EEFSEC: variants seen among roughly 807,000 people sequenced by gnomAD.
EEFSEC encodes eukaryotic elongation factor, selenocysteine-tRNA specific.
In EEFSEC, 43 loss-of-function variants were observed where a neutral mutation model predicts 42.1. The ratio of observed to expected loss-of-function variants is 1.02; its 90% confidence interval spans 0.80 to 1.32. The LOEUF (loss-of-function observed/expected upper bound fraction) is 1.32, where lower values mean the gene tolerates loss of function less well. Ranked by LOEUF, EEFSEC falls within the 40% of genes most tolerant of loss-of-function variation. The probability of loss-of-function intolerance (pLI) is 0.00; values close to 1 mark genes in which losing one functional copy is unlikely to be tolerated. For missense variants in EEFSEC, 745 were observed against 803.6 expected, an observed-to-expected ratio of 0.93 and a Z score of 0.88; for synonymous variants, 354 against 339.1, an observed-to-expected ratio of 1.04 and a Z score of -0.48.
At chr3:128,407,611 A>G (rs1012357029) in intron 6 of EEFSEC, among the ~76,000 whole-genome samples, 27 of 152,290 alleles carry the variant, frequency 1.8e-4, no homozygotes, top group African/African-American at 6.3e-4. Flanking sequence ...CTCTCTTCCC[A>G]CACTCTGGCC....
At chr3:128,229,842 C>T (rs1049672605) in intron 1 of EEFSEC, among the ~76,000 whole-genome samples, 3 of 152,094 alleles carry the variant, frequency 2.0e-5, no homozygotes, top group East Asian at 1.9e-4. Flanking sequence ...TGAGGAGAAA[C>T]GGTCCCCTCC....
intron 4 of EEFSEC, among the ~76,000 whole-genome samples, chr3:128,310,945 T>C (rs1361725148): frequency 6.6e-6 from 1 of 152,192 alleles, no homozygotes; most frequent in African/African-American, 2.4e-5. Flanking sequence ...GGCCTTCTAT[T>C]GATGCAACAT....
intron 1 of EEFSEC, among the ~76,000 whole-genome samples, chr3:128,242,278 C>T (rs915339612): frequency 6.6e-6 from 1 of 151,932 alleles, no homozygotes; most frequent in Admixed American, 6.6e-5. Context: ...ATGATTGCAC[C>T]ACTGCACTCC....
chr3:128,238,754 T>C (rs2107882242), intron 1 of EEFSEC, among the ~76,000 whole-genome samples: 1 of 152,282 alleles, frequency 6.6e-6, no homozygotes, highest in East Asian at 1.9e-4. Context: ...CCTCCCAAAG[T>C]GTGTAATGGC....
At chr3:128,210,697 G>A (rs1426146777) in intron 1 of EEFSEC, among the ~76,000 whole-genome samples, 1 of 152,160 alleles carries the variant, frequency 6.6e-6, no homozygotes. Flanking sequence ...CAATTCCTAC[G>A]GATTTCCCCT....
chr3:128,305,675 A>C (rs2066818341), intron 4 of EEFSEC, among the ~76,000 whole-genome samples: 2 of 151,752 alleles, frequency 1.3e-5, no homozygotes, highest in East Asian at 1.9e-4. Context: ...ATATGTAGTA[A>C]TTTTCTTTTT....
intron 4 of EEFSEC, among the ~76,000 whole-genome samples, chr3:128,285,231 A>G (rs2066570711): frequency 1.3e-5 from 2 of 152,036 alleles, no homozygotes; most frequent in Middle Eastern, 3.2e-3. Context: ...GAGATGGGTG[A>G]TGGTGCTGTG....
At chr3:128,349,232 G>T (rs979079791) in intron 5 of EEFSEC, among the ~76,000 whole-genome samples, 2 of 152,126 alleles carry the variant, frequency 1.3e-5, no homozygotes, top group Admixed American at 6.5e-5. Context: ...TCACCCTGCA[G>T]GGGGGAGTAA....
intron 1 of EEFSEC, among the ~76,000 whole-genome samples, chr3:128,214,977 A>G (rs1267928607): frequency 6.6e-6 from 1 of 152,226 alleles, no homozygotes; most frequent in African/African-American, 2.4e-5. Context: ...GATGTGGGAA[A>G]GTTGAGGTGG....
chr3:128,409,577 G>A (rs1476263377), downstream of EEFSEC, among the ~76,000 whole-genome samples: 1 of 152,232 alleles, frequency 6.6e-6, no homozygotes, highest in Non-Finnish European at 1.5e-5. Flanking sequence ...GGGAAGTGGG[G>A]TTCCCAGTTC....
At chr3:128,415,434 G>A in the EEFSEC span, among the ~76,000 whole-genome samples, 40 of 149,386 alleles carry the variant, frequency 2.7e-4, no homozygotes, top group African/African-American at 9.5e-4. Context: ...TGGAAGTTGT[G>A]TAATGGGTGT....
At chr3:128,377,335 C>T (rs988854716) in intron 6 of EEFSEC, among the ~76,000 whole-genome samples, 3 of 152,144 alleles carry the variant, frequency 2.0e-5, no homozygotes, top group Admixed American at 1.3e-4. Context: ...GCCTGGGCTC[C>T]GGGCTCAGAC....
At chr3:128,192,123 G>A (rs575249180) in intron 1 of EEFSEC, among the ~76,000 whole-genome samples, 6 of 152,174 alleles carry the variant, frequency 3.9e-5, no homozygotes, top group Non-Finnish European at 7.3e-5. Context: ...TAGAAATGAT[G>A]GAGCTGACCC....
intron 4 of EEFSEC, among the ~76,000 whole-genome samples, chr3:128,287,892 G>A (rs904824071): frequency 1.3e-5 from 2 of 151,890 alleles, no homozygotes; most frequent in Admixed American, 6.5e-5. Context: ...CATGTATATC[G>A]TTATCTCCTT....
chr3:128,420,199 C>T, the EEFSEC span, among the ~76,000 whole-genome samples: 38 of 152,348 alleles, frequency 2.5e-4, no homozygotes, highest in African/African-American at 8.4e-4. Flanking sequence ...GTCACACACG[C>T]GCGTGGCTCC....
intron 6 of EEFSEC, among the ~76,000 whole-genome samples, chr3:128,365,338 G>C (rs752992605): frequency 1.1e-4 from 17 of 152,356 alleles, no homozygotes; most frequent in South Asian, 2.1e-4. Flanking sequence ...CAAGGTTGCA[G>C]GGGCCGCTGG....
intron 1 of EEFSEC, among the ~76,000 whole-genome samples, chr3:128,174,145 C>G (rs935627919): frequency 2.3e-4 from 35 of 152,216 alleles, no homozygotes; most frequent in African/African-American, 8.4e-4. Flanking sequence ...AGATCCTGCT[C>G]TCTGACTGCC....
At chr3:128,190,874 G>A (rs1359709164) in intron 1 of EEFSEC, among the ~76,000 whole-genome samples, 1 of 152,212 alleles carries the variant, frequency 6.6e-6, no homozygotes, top group African/African-American at 2.4e-5. Context: ...ACAATTGCCT[G>A]CAGTATTTAG....
chr3:128,165,254 T>C (rs2065232391), intron 1 of EEFSEC, among the ~76,000 whole-genome samples: 1 of 152,234 alleles, frequency 6.6e-6, no homozygotes, highest in Admixed American at 6.5e-5. Flanking sequence ...TGCCAGGCTC[T>C]GTTTCAGAGG....
Sources: allele counts gnomAD v4.1 joint callset (sites outside exome capture counted in the v4.1 genomes callset), GRCh38; gene constraint gnomAD v4.1.1; transcripts MANE v1.5; gene names NCBI Gene and HGNC (gene_info 2026-07-23, HGNC 2026-07-21).